The following MYLIP variants were observed in gnomAD, a reference collection of about 807,000 sequenced individuals.
MYLIP encodes myosin regulatory light chain interacting protein, also known as E3 ubiquitin-protein ligase MYLIP.
In MYLIP, 26 loss-of-function variants were observed where a neutral mutation model predicts 45.8. The observed-to-expected ratio is 0.57, with a 90% confidence interval of 0.42 to 0.79. The LOEUF is 0.79. Ranked by LOEUF, MYLIP falls within the 30% of genes least tolerant of loss-of-function variation. The pLI is 0.00. For missense variants in MYLIP, 494 were observed against 555.6 expected (o/e 0.89, Z 1.11); for synonymous variants, 213 against 218.1 (o/e 0.98, Z 0.21).
At chr6:16,155,011 C>T in the MYLIP span, among the ~76,000 whole-genome samples, 12 of 152,202 alleles carry the variant, frequency 7.9e-5, no homozygotes. Flanking sequence ...GGCCTTCACT[C>T]CTGGCAAGCC....
the MYLIP span, chr6:16,161,437 G>T: frequency 3.7e-5 from 6 of 162,152 alleles, no homozygotes; most frequent in Non-Finnish European, 6.8e-5. Context: ...CACCTCAAGT[G>T]GGGAATGAGA....
intron 2 of MYLIP, among the ~76,000 whole-genome samples, chr6:16,138,118 A>AT (rs1290262340): frequency 6.6e-6 from 1 of 152,234 alleles, no homozygotes; most frequent in African/African-American, 2.4e-5. Context: ...CATAGGATGT[A>AT]TTCATGGACA....
downstream of MYLIP, among the ~76,000 whole-genome samples, chr6:16,151,733 A>G (rs907465501): frequency 1.3e-5 from 2 of 152,252 alleles, no homozygotes; most frequent in Non-Finnish European, 2.9e-5. Context: ...TAAAAACAAA[A>G]CTATGTCAGG....
chr6:16,139,096 T>C (rs905977477), intron 2 of MYLIP, among the ~76,000 whole-genome samples: 7 of 152,342 alleles, frequency 4.6e-5, no homozygotes, highest in Admixed American at 2.6e-4. Context: ...AAGCAGGAAC[T>C]AGTCTCTAAC....
chr6:16,132,156 T>C lies in MYLIP; in HGVS notation c.278+1409T>C, dbSNP rs551745362. 2.6e-5 allele frequency among the ~76,000 whole-genome samples: 4 copies of C among 152,320 alleles called. No individual in the cohort carries two copies. In the South Asian group the frequency reaches 8.3e-4, roughly 32 times the overall value. ...GCAACCCAGTTTTGATGGCACAAAA[T>C]TATTTTTTAAATCTTCAGAAGCTTG... On this transcript the variant is annotated intron_variant, in intron 2 of 6. Transcript: ENST00000356840.
chr6:16,129,157 C>A lies in MYLIP; in HGVS notation c.-166C>A. ...TGGCGGGCAGCGGGTGAGGGGGTGGCGGGGACGCGAGTGGCGGCCGCGGGG... is the reference window on the plus strand; with the variant it reads ...TGGCGGGCAGCGGGTGAGGGGGTGGAGGGGACGCGAGTGGCGGCCGCGGGG... On this transcript the variant is annotated 5_prime_UTR_variant, in exon 1 of 7. Transcript: ENST00000356840. This position sits in a 1 kb window ranked among gnomAD's most constrained non-coding sequence, Gnocchi z 5.1. 4 of 644,984 alleles carry A rather than the reference C, an allele frequency of 6.2e-6. No homozygotes were observed. The highest frequency in any genetic ancestry group is 1.0e-5 in the Non-Finnish European group (4 of 381,200). The allele number at this position is 644,984 out of a possible 1,614,324, so 40.0% of individuals were successfully genotyped here.
chr6:16,146,826 G>A lies in MYLIP; in HGVS notation c.*75G>A. 1.6e-6 allele frequency: 2 copies of A among 1,278,964 alleles called. No homozygotes were observed. The highest frequency in any genetic ancestry group is 1.3e-5 in the South Asian group (1 of 74,816). The allele number at this position is 1,278,964 out of a possible 1,614,324, so 79.2% of individuals were successfully genotyped here. ...ATAAACTATTAAAATGATAGATTGT[G>A]GAGAAAGTAATTATTCCAACACCCA... On this transcript the variant is annotated 3_prime_UTR_variant, in exon 7 of 7. Transcript: ENST00000356840.
chr6:16,132,993 C>T (rs889216012), intron 2 of MYLIP, among the ~76,000 whole-genome samples: 14 of 152,136 alleles, frequency 9.2e-5, no homozygotes, highest in Non-Finnish European at 1.9e-4. Flanking sequence ...GCTGAAATAT[C>T]CTGGCAGAGT....
At position 16,146,772 on chromosome 6, in the gene MYLIP, C is replaced by G; in HGVS notation, c.*21C>G. 1 of 1,570,508 alleles carries G rather than the reference C, an allele frequency of 6.4e-7. No individual in the cohort carries two copies. Among genetic ancestry groups the G allele is most frequent in the Non-Finnish European group, 8.7e-7 (1 of 1,148,954 alleles). ...TCTAATCTGTTGTGCTTTTGTTGGA[C>G]TTGGCATGTTTCCATGAACTGCACT... On this transcript the variant is annotated 3_prime_UTR_variant, in exon 7 of 7. Coordinates refer to ENST00000356840, the MANE Select transcript of MYLIP (RefSeq NM_013262.4).
At chr6:16,161,284 C>T in the MYLIP span, 1 of 370,806 alleles carries the variant, frequency 2.7e-6, no homozygotes, top group Non-Finnish European at 5.4e-6. Context: ...TCATGCCAAG[C>T]CTGCTGTCAC....
chr6:16,158,797 G>A, the MYLIP span, among the ~76,000 whole-genome samples: 2 of 152,212 alleles, frequency 1.3e-5, no homozygotes, highest in South Asian at 2.1e-4. Flanking sequence ...GTGAACCCGG[G>A]AGGCGGAGCT....
intron 2 of MYLIP, among the ~76,000 whole-genome samples, chr6:16,137,806 T>G (rs989476456): frequency 3.9e-5 from 6 of 152,310 alleles, no homozygotes; most frequent in African/African-American, 1.2e-4. Flanking sequence ...AAATTTGAAG[T>G]ACTTTGAAAG....
At chr6:16,141,879 A>G in intron 3 of MYLIP, 69 bp downstream of exon 3, 2 of 1,403,852 alleles carry the variant, frequency 1.4e-6, no homozygotes, top group Non-Finnish European at 1.9e-6. Flanking sequence ...TAAGGTTGGA[A>G]GGTAAACTAA....
chr6:16,137,686 GAGACA>G lies in MYLIP; in HGVS notation c.279-3936_279-3932del, dbSNP rs1397634862. 4.1e-3 allele frequency among the ~76,000 whole-genome samples: 626 copies of G among 152,262 alleles called. 3 individuals are homozygous for G. The highest frequency in any genetic ancestry group is 0.01 in the Middle Eastern group (3 of 294). On this transcript the variant is annotated intron_variant, in intron 2 of 6. Coordinates refer to ENST00000356840, the MANE Select transcript of MYLIP (RefSeq NM_013262.4). ...TTTGATTCCTAGATAATTGCTTTAT[GAGACA>G]AGCCTGTGTTTAGAGGAAAGTTCTC...
chr6:16,136,247 C>G (rs1409029597), intron 2 of MYLIP, among the ~76,000 whole-genome samples: 1 of 151,756 alleles, frequency 6.6e-6, no homozygotes, highest in African/African-American at 2.4e-5. Flanking sequence ...TTCCCACCCC[C>G]ACCCACCGCA....
At chr6:16,132,894 A>G (rs1327364748) in intron 2 of MYLIP, among the ~76,000 whole-genome samples, 1 of 152,250 alleles carries the variant, frequency 6.6e-6, no homozygotes, top group Non-Finnish European at 1.5e-5. Flanking sequence ...CAATCCAGTT[A>G]TGAAAGGTGA....
intron 3 of MYLIP, 133 bp from the exon 4 acceptor site, chr6:16,142,887 C>CT: frequency 2.2e-6 from 2 of 891,842 alleles, no homozygotes; most frequent in Non-Finnish European, 3.4e-6. Context: ...ATACATGAAA[C>CT]ATCAGTAATA....
intron 2 of MYLIP, among the ~76,000 whole-genome samples, chr6:16,140,912 A>C (rs1279371874): frequency 6.6e-6 from 1 of 152,234 alleles, no homozygotes; most frequent in Admixed American, 6.5e-5. Flanking sequence ...GGAGGAGAGC[A>C]GCGCAGAGAA....
chr6:16,153,276 A>G, the MYLIP span, among the ~76,000 whole-genome samples: 1 of 152,232 alleles, frequency 6.6e-6, no homozygotes, highest in Non-Finnish European at 1.5e-5. Context: ...CAGATGAAGA[A>G]AACGGTAGGA....
Sources: gnomAD v4.1 joint callset for allele counts (sites outside exome capture counted in the v4.1 genomes callset) on GRCh38, gnomAD v4.1.1 for gene constraint, Gnocchi (gnomAD v3.1) non-coding constraint, MANE v1.5 for transcripts, NCBI Gene and HGNC (gene_info 2026-07-23, HGNC 2026-07-21) for gene names.